C22orf31: variants seen among roughly 807,000 people sequenced by gnomAD.
C22orf31 encodes the protein chromosome 22 open reading frame 31.
A neutral mutation model predicts 15.0 loss-of-function variants in C22orf31; 11 were observed. The observed-to-expected ratio is 0.73, with a 90% CI of 0.46 to 1.21. The LOEUF is 1.21. Ranked by LOEUF, C22orf31 falls within the 50% of genes most tolerant of loss-of-function variation. The pLI, the probability that C22orf31 is intolerant of heterozygous loss-of-function variation, is 0.00. For synonymous variants in C22orf31, 132 were observed against 133.3 expected, an observed-to-expected ratio of 0.99 and a Z score of 0.07; for missense variants, 340 against 347.2, an observed-to-expected ratio of 0.98 and a Z score of 0.17.
upstream of C22orf31, among the ~76,000 whole-genome samples, chr22:29,063,913 G>A (rs995034274): frequency 2.6e-5 from 4 of 152,118 alleles, no homozygotes; most frequent in African/African-American, 9.7e-5. Context: ...TGTCACCCAG[G>A]CTGGAGTGCA....
intron 1 of C22orf31, 77 bp downstream of exon 1, chr22:29,061,713 T>A (rs867329207): frequency 8.9e-7 from 1 of 1,127,782 alleles, no homozygotes; most frequent in Middle Eastern, 2.3e-4. Flanking sequence ...CAGAACAATT[T>A]GGATAGATTA....
Position 29,060,419 on chromosome 22 carries a change from C to T in C22orf31, c.428G>A (p.Arg143Lys), listed in dbSNP as rs199924261. 9.9e-6 allele frequency: 16 copies of T among 1,610,794 alleles called. No homozygotes were observed. In the South Asian group the frequency reaches 1.8e-4, roughly 18 times the overall value. Residue 143 changes from arginine (R) to lysine (K), a missense_variant, in exon 2 of 3, where the codon AGA becomes AAA. Coordinates refer to ENST00000216071, the MANE Select transcript of C22orf31 (RefSeq NM_015370.2). ...AGHRRPAGGI[R>K]ESKESSKEKK... Reference sequence around the variant, plus strand: ...CCACCACTGGTCCTCGTCTACCTCTCTGATGCCTCCTGCAGGCCTCCTATG... The same window carrying T: ...CCACCACTGGTCCTCGTCTACCTCTTTGATGCCTCCTGCAGGCCTCCTATG...
chr22:29,070,399 C>T, the C22orf31 span, among the ~76,000 whole-genome samples: 132 of 152,324 alleles, frequency 8.7e-4, no homozygotes, highest in African/African-American at 3.1e-3. Context: ...GGTGCCTTCC[C>T]GCAGCAGGCA....
chr22:29,060,492 C>T lies in C22orf31; in HGVS notation c.355G>A (p.Ala119Thr). The T allele has an allele frequency of 1.2e-6, 2 of 1,614,078 alleles. No individual in the cohort carries two copies. Among genetic ancestry groups the T allele is most frequent in the Non-Finnish European group, 1.7e-6 (2 of 1,180,034 alleles). ...GAACTGATGAAGTTTCTTTTCCTGGCCTGCTGGGTGGCTTTCATCACTGAA... is the reference window on the plus strand; with the variant it reads ...GAACTGATGAAGTTTCTTTTCCTGGTCTGCTGGGTGGCTTTCATCACTGAA... ...DDSVMKATQQ[A>T]RKRNFISSKS... The change falls in exon 2 of 3, where the codon GCC becomes ACC. Residue 119 changes from alanine (A) to threonine (T), a missense_variant. Transcript: ENST00000216071.
the C22orf31 span, among the ~76,000 whole-genome samples, chr22:29,067,145 T>C: frequency 6.6e-6 from 1 of 152,214 alleles, no homozygotes; most frequent in African/African-American, 2.4e-5. Context: ...GACAGTCTGT[T>C]CATAATGGAT....
the C22orf31 span, among the ~76,000 whole-genome samples, chr22:29,068,753 C>G: frequency 1.5e-5 from 2 of 131,754 alleles, no homozygotes; most frequent in African/African-American, 3.0e-5. Context: ...GTGGCTCAAC[C>G]TGGTACTTTT....
rs140808093 is a variant in C22orf31 at position 29,058,833 on chromosome 22, G to T, written c.782C>A (p.Ala261Asp). 3.1e-6 allele frequency: 5 copies of T among 1,613,914 alleles called. No individual in the cohort carries two copies. Among genetic ancestry groups the T allele is most frequent in the Non-Finnish European group, 4.2e-6 (5 of 1,179,922 alleles). ...LCSQGAISEG[A>D]QRDRFPGRKQ... ...CCTGCCAGGGAACCGGTCCCTCTGA[G>T]CACCTTCAGAGATGGCACCCTGACT... is the stretch of plus-strand genomic sequence containing the variant. Residue 261 changes from alanine to aspartate, a missense_variant, in exon 3 of 3, where the codon GCT becomes GAT. Transcript: ENST00000216071.
At chr22:29,072,652 C>T in the C22orf31 span, among the ~76,000 whole-genome samples, 2 of 152,218 alleles carry the variant, frequency 1.3e-5, no homozygotes, top group Non-Finnish European at 1.5e-5. Flanking sequence ...TAATTATTAC[C>T]GCTGTAGCTG....
chr22:29,064,984 G>A (rs1019615159), upstream of C22orf31, among the ~76,000 whole-genome samples: 4 of 151,932 alleles, frequency 2.6e-5, no homozygotes, highest in Non-Finnish European at 5.9e-5. Flanking sequence ...CTCCCGAGTA[G>A]CTGAGATTAC....
At position 29,058,853 on chromosome 22, in the gene C22orf31, C is replaced by T; in HGVS notation, c.762G>A (p.Gln254=). The T allele has an allele frequency of 6.2e-7, 1 of 1,614,176 alleles. No homozygotes were observed. The highest frequency in any genetic ancestry group is 8.5e-7 in the Non-Finnish European group (1 of 1,180,022). ...TCTGAGCACCTTCAGAGATGGCACC[C>T]TGACTGCAAAGAGCCTCCCAGAGCT... The part of the protein sequence containing the change: ...KQKLWEALCS[Q]GAISEGAQRD... Residue 254 remains glutamine (Q), a synonymous_variant, in exon 3 of 3, where the codon CAG becomes CAA. Transcript: ENST00000216071.
the C22orf31 span, among the ~76,000 whole-genome samples, chr22:29,068,071 T>C: frequency 1.5e-5 from 1 of 67,024 alleles, no homozygotes; most frequent in African/African-American, 6.2e-5. Flanking sequence ...ATATCAAACA[T>C]ATCAAACCCC....
At chr22:29,063,707 C>CATCATGATACTTTAGCATGAT (rs1601733639), upstream of C22orf31, among the ~76,000 whole-genome samples, 3 of 152,232 alleles carry the variant, frequency 2.0e-5, no homozygotes, top group East Asian at 3.9e-4. Flanking sequence ...CTGTTCTAGC[C>CATCATGATACTTTAGCATGAT]ACTTTATTAG....
chr22:29,073,137 C>G, the C22orf31 span: 1 of 1,079,824 alleles, frequency 9.3e-7, no homozygotes, highest in Non-Finnish European at 1.1e-6. The surrounding 1 kb of genome is among the most constrained non-coding windows in gnomAD (Gnocchi z 4.4). Flanking sequence ...GCCCATGGCG[C>G]CGCCAGCCGC....
chr22:29,065,229 G>A (rs913060471), upstream of C22orf31, among the ~76,000 whole-genome samples: 8 of 152,128 alleles, frequency 5.3e-5, no homozygotes, highest in African/African-American at 1.9e-4. Context: ...TGGTCTAAGT[G>A]ATGTAATGCA....
At chr22:29,068,904 A>G in the C22orf31 span, among the ~76,000 whole-genome samples, 1 of 151,546 alleles carries the variant, frequency 6.6e-6, no homozygotes. Context: ...ACCTGAGACT[A>G]CAGGCGCCCG....
rs763399636 is a variant in C22orf31, at chr22:29,060,409, G to A, written c.432+6C>T. 27 of 1,607,142 alleles carry A rather than the reference G, an allele frequency of 1.7e-5. No homozygotes were observed. Among genetic ancestry groups the A allele is most frequent in the East Asian group, 6.7e-5 (3 of 44,840 alleles). On this transcript the variant is annotated splice_donor_region_variant and intron_variant, in intron 2 of 2. Coordinates refer to ENST00000216071, the MANE Select transcript of C22orf31 (RefSeq NM_015370.2). ...CACATTTTCCCCACCACTGGTCCTC[G>A]TCTACCTCTCTGATGCCTCCTGCAG...
rs1233335646 is a variant in C22orf31 at position 29,061,715 on chromosome 22, G to A, written c.3+75C>T. 4 of 1,134,632 alleles carry A rather than the reference G, an allele frequency of 3.5e-6. No individual in the cohort carries two copies. In the South Asian group the frequency reaches 4.3e-5, roughly 12 times the overall value. 70.3% of individuals were successfully genotyped at this position (1,134,632 alleles called of 1,614,324 possible). A position where few individuals can be genotyped will look rare whatever the true frequency, so the allele number is the denominator to read the frequency against. ...CAACTAAGAGCAACAGAACAATTTG[G>A]ATAGATTAGAATCACATATTTAAAG... is the stretch of plus-strand genomic sequence containing the variant. On this transcript the variant is annotated intron_variant, in intron 1 of 2. Transcript: ENST00000216071.
the C22orf31 span, among the ~76,000 whole-genome samples, chr22:29,069,010 C>T: frequency 9.2e-4 from 140 of 152,054 alleles, 1 homozygote; most frequent in African/African-American, 3.1e-3. Flanking sequence ...GATCCTCTTG[C>T]CTCGGCCTCC....
upstream of C22orf31, among the ~76,000 whole-genome samples, chr22:29,066,112 T>C (rs975298339): frequency 2.0e-5 from 3 of 152,198 alleles, no homozygotes; most frequent in African/African-American, 7.2e-5. Context: ...CTCTTAGCTC[T>C]TATTCTCCTT....
Sources: allele counts gnomAD v4.1 joint callset (sites outside exome capture counted in the v4.1 genomes callset), GRCh38; gene constraint gnomAD v4.1.1; non-coding constraint Gnocchi (gnomAD v3.1); transcripts MANE v1.5; gene names NCBI Gene and HGNC (gene_info 2026-07-23, HGNC 2026-07-21).